The following REXO1 variants were observed in gnomAD, a reference collection of about 807,000 sequenced individuals.
REXO1 encodes the protein RNA exonuclease 1 homolog.
A neutral mutation model predicts 102.6 loss-of-function variants in REXO1; 42 were observed. The ratio of observed to expected loss-of-function variants is 0.41; its 90% CI spans 0.32 to 0.53. The LOEUF (loss-of-function observed/expected upper bound fraction) is 0.53. REXO1 is among the 20% of genes least tolerant of loss of function. The pLI is 0.27. For synonymous variants in REXO1, 908 were observed against 779.1 expected, an observed-to-expected ratio of 1.17 and a Z score of -2.76; for missense variants, 1,819 against 1,732.5, an observed-to-expected ratio of 1.05 and a Z score of -0.89.
intron 4 of REXO1, 80 bp from the exon 5 acceptor site, chr19:1,821,762 G>T: frequency 7.4e-7 from 1 of 1,354,736 alleles, no homozygotes; most frequent in Non-Finnish European, 1.0e-6. Context: ...AGCCGCGGCC[G>T]CTCAGCGCCA....
chr19:1,831,542 G>C (rs541892916), intron 1 of REXO1, among the ~76,000 whole-genome samples: 13 of 151,962 alleles, frequency 8.6e-5, no homozygotes, highest in African/African-American at 2.9e-4. Context: ...GCAGGCATAA[G>C]AAAGAAATGG....
At position 1,827,876 on chromosome 19, in the gene REXO1, T is replaced by G. The variant is rs769678066; in HGVS notation, c.913A>C (p.Ser305Arg). The G allele has an allele frequency of 6.2e-7, 1 of 1,613,672 alleles. No individual in the cohort carries two copies. Among genetic ancestry groups the G allele is most frequent in the Non-Finnish European group, 8.5e-7 (1 of 1,179,868 alleles). Residue 305 changes from serine to arginine, a missense_variant, in exon 2 of 16, where the codon AGC (serine) becomes CGC (arginine). Physicochemically the swap from Ser to Arg is moderately radical, Grantham distance 110 (BLOSUM62 -1). Coordinates refer to ENST00000170168, the MANE Select transcript of REXO1 (RefSeq NM_020695.4). The stretch of plus-strand genomic sequence containing the variant: ...GGGTCGGCCCTGGCTTTGGGGGTGC[T>G]GGCCGTGGTGGGCTCGTTACCTGGG... Reference protein sequence around the residue: ...TVPGNEPTTASTPKARADPEI... With the variant: ...TVPGNEPTTARTPKARADPEI...
chr19:1,820,206 A>ACCACCCTGGACCCCTAGTCC, intron 6 of REXO1, 58 bp downstream of exon 6: 1 of 1,568,108 alleles, frequency 6.4e-7, no homozygotes. Flanking sequence ...ATGTCTGGGG[A>ACCACCCTGGACCCCTAGTCC]CCACCCTGGA....
At chr19:1,842,890 C>A (rs1202065064) in intron 1 of REXO1, among the ~76,000 whole-genome samples, 1 of 152,244 alleles carries the variant, frequency 6.6e-6, no homozygotes, top group African/African-American at 2.4e-5. Context: ...CCCGTGGCAA[C>A]ACGGACAGGC....
At chr19:1,843,559 C>T (rs923113718) in intron 1 of REXO1, among the ~76,000 whole-genome samples, 31 of 152,228 alleles carry the variant, frequency 2.0e-4, no homozygotes, top group African/African-American at 7.2e-4. Context: ...GCTGCCACTC[C>T]AGGCCAGGCA....
Position 1,817,303 on chromosome 19 carries a change from C to T in REXO1, c.3117G>A (p.Glu1039=). The T allele has an allele frequency of 6.2e-7, 1 of 1,612,984 alleles. No individual in the cohort carries two copies. The highest frequency in any genetic ancestry group is 8.5e-7 in the Non-Finnish European group (1 of 1,180,006). The change falls in exon 12 of 16, where the codon GAG becomes GAA. Residue 1039 remains glutamate (E), a synonymous_variant. Transcript: ENST00000170168. ...AKQHVQDGRK[E]RLEGFVKTFE... ...AGGTCTTCACGAAGCCCTCAAGGCG[C>T]TCCTTCCGGCCATCCTGCACGTGTT...
rs932017977 is a variant in REXO1 at position 1,826,182 on chromosome 19, C to A, written c.1912-239G>T. ...CTCTCCTGGGCACCCAGGGCCCCAG[C>A]TTGGAGACCCCAGGGCTGCAGAATG... On this transcript the variant is annotated intron_variant, in intron 2 of 15. Transcript: ENST00000170168. The surrounding 1 kb of genome is among the most constrained non-coding windows in gnomAD (Gnocchi z 4.3). Among the ~76,000 whole-genome samples the A allele has an allele frequency of 6.6e-6, 1 of 152,142 alleles. No homozygotes were observed. The highest frequency in any genetic ancestry group is 1.5e-5 in the Non-Finnish European group (1 of 68,042).
chr19:1,815,448 G>A lies in REXO1; in HGVS notation c.*618C>T, dbSNP rs1443733061. ...TCACGGAGTGCAGGGGTGGGGCGGCGAGTGGTGGAAGCCGGCGCCCCCGAA... is the reference window on the plus strand; with the variant it reads ...TCACGGAGTGCAGGGGTGGGGCGGCAAGTGGTGGAAGCCGGCGCCCCCGAA... On this transcript the variant is annotated 3_prime_UTR_variant, in exon 16 of 16. Coordinates refer to ENST00000170168, the MANE Select transcript of REXO1 (RefSeq NM_020695.4). The surrounding 1 kb of genome is among the most constrained non-coding windows in gnomAD (Gnocchi z 4.0). 2.8e-5 allele frequency: 5 copies of A among 177,948 alleles called. No homozygotes were observed. The highest frequency in any genetic ancestry group is 1.6e-4 in the East Asian group (1 of 6,116). 11.0% of individuals were successfully genotyped at this position (177,948 alleles called of 1,614,324 possible).
At chr19:1,817,918 T>C in intron 10 of REXO1, 138 bp from the exon 11 acceptor site, 3 of 672,616 alleles carry the variant, frequency 4.5e-6, no homozygotes, top group Non-Finnish European at 7.6e-6. Flanking sequence ...TTGGTGGAGC[T>C]GGAAGCAGAC....
At chr19:1,838,926 G>A (rs1432505585) in intron 1 of REXO1, among the ~76,000 whole-genome samples, 1 of 152,034 alleles carries the variant, frequency 6.6e-6, no homozygotes, top group African/African-American at 2.4e-5. Flanking sequence ...AGACCAGCCT[G>A]GGCAACATGG....
chr19:1,824,598 T>C (rs559495818), intron 3 of REXO1: 4 of 152,302 alleles, frequency 2.6e-5, no homozygotes, highest in African/African-American at 9.6e-5. Context: ...AGACATCAGT[T>C]AGAACAGAGC....
At position 1,819,090 on chromosome 19, in the gene REXO1, C is replaced by G. The variant is rs1344676359; in HGVS notation, c.2692G>C (p.Gly898Arg). ...CTGGTCTTGGCGGCCAACCTGCCCC[C>G]CAACACCACCTCGTGGGACACAACC... ...RRVVSHEVVL[G>R]GRLAAKTSFS... Residue 898 changes from glycine to arginine, a missense_variant, in exon 8 of 16, where the codon GGG (glycine) becomes CGG (arginine). Gly to Arg is a moderately radical substitution (Grantham distance 125). Coordinates refer to ENST00000170168, the MANE Select transcript of REXO1 (RefSeq NM_020695.4). 2 of 1,597,956 alleles carry G rather than the reference C, an allele frequency of 1.3e-6. No homozygotes were observed. The highest frequency in any genetic ancestry group is 2.7e-5 in the African/African-American group (2 of 74,434).
At position 1,828,180 on chromosome 19, in the gene REXO1, G is replaced by C. The variant is rs1249409737; in HGVS notation, c.609C>G (p.Pro203=). ...GGGGGALEYV[P]KAVSQPRRHS... is the part of the protein sequence containing the mutation. Reference sequence around the variant, plus strand: ...GCCGCCGGGGCTGGCTCACAGCCTTGGGGACGTATTCCAGGGCACCGCCAC... The same window carrying C: ...GCCGCCGGGGCTGGCTCACAGCCTTCGGGACGTATTCCAGGGCACCGCCAC... Residue 203 remains proline, a synonymous_variant, in exon 2 of 16, where the codon CCC becomes CCG. Coordinates refer to ENST00000170168, the MANE Select transcript of REXO1 (RefSeq NM_020695.4). 6.2e-7 allele frequency: 1 copy of C among 1,608,530 alleles called. No individual in the cohort carries two copies. The highest frequency in any genetic ancestry group is 8.5e-7 in the Non-Finnish European group (1 of 1,178,458).
At chr19:1,817,522 G>C in intron 11 of REXO1, 185 bp downstream of exon 11, 2 of 1,466,016 alleles carry the variant, frequency 1.4e-6, no homozygotes, top group Non-Finnish European at 1.8e-6. Context: ...TCCCAGGATG[G>C]GAAGTGGCCA....
intron 1 of REXO1, among the ~76,000 whole-genome samples, chr19:1,840,404 C>T (rs2011226685): frequency 6.6e-6 from 1 of 152,122 alleles, no homozygotes; most frequent in Non-Finnish European, 1.5e-5. Context: ...ACTGCCCAAC[C>T]GCAGGAGCGC....
rs772145095 is a variant in REXO1 at position 1,828,025 on chromosome 19, G to A, written c.764C>T (p.Ala255Val). The A allele has an allele frequency of 6.2e-7, 1 of 1,612,716 alleles. No individual in the cohort carries two copies. The highest frequency in any genetic ancestry group is 1.1e-5 in the South Asian group (1 of 91,006). Residue 255 changes from alanine to valine, a missense_variant, in exon 2 of 16, where the codon GCC (alanine) becomes GTC (valine). Coordinates refer to ENST00000170168, the MANE Select transcript of REXO1 (RefSeq NM_020695.4). ...GCGGGAGCCCCGGGGCCGCTTGGCG[G>A]CCCGCTCATCCCGGGAGCTGGCCCT... The part of the protein sequence containing the change: ...LSRASSRDER[A>V]AKRPRGSRGS...
chr19:1,823,712 C>G lies in REXO1; in HGVS notation c.2090G>C (p.Arg697Pro), dbSNP rs200145449. ...PPTAQEVCYL[R>P]AQQAQRASAS... The stretch of plus-strand genomic sequence containing the variant: ...CGATGCCCTCTGCGCCTGCTGGGCC[C>G]GCAGGTAGCACACCTCCTGCGCCGT... The change falls in exon 4 of 16, where the codon CGG (arginine) becomes CCG (proline). Residue 697 changes from arginine (R) to proline (P), a missense_variant. Transcript: ENST00000170168. 2 of 1,273,244 alleles carry G rather than the reference C, an allele frequency of 1.6e-6. No homozygotes were observed. The highest frequency in any genetic ancestry group is 2.0e-6 in the Non-Finnish European group (2 of 1,002,276). 78.9% of individuals were successfully genotyped at this position (1,273,244 alleles called of 1,614,324 possible).
Position 1,828,004 on chromosome 19 carries a change from G to T in REXO1, c.785C>A (p.Ser262Tyr). ...AGGTGTGTAGGGCTCACTGCCGCGG[G>T]AGCCCCGGGGCCGCTTGGCGGCCCG... Reference protein sequence around the residue: ...DERAAKRPRGSRGSEPYTPAP... With the variant: ...DERAAKRPRGYRGSEPYTPAP... Residue 262 changes from serine to tyrosine, a missense_variant, in exon 2 of 16, where the codon TCC (serine) becomes TAC (tyrosine). Physicochemically the swap from Ser to Tyr is moderately radical, Grantham distance 144. Transcript: ENST00000170168. 6.2e-7 allele frequency: 1 copy of T among 1,612,984 alleles called. No individual in the cohort carries two copies. The highest frequency in any genetic ancestry group is 8.5e-7 in the Non-Finnish European group (1 of 1,179,638).
intron 7 of REXO1, 111 bp from the exon 8 acceptor site, chr19:1,819,242 C>G (rs2069462830): frequency 1.4e-6 from 1 of 727,272 alleles, no homozygotes; most frequent in East Asian, 2.8e-5. Context: ...TCAACTCCCC[C>G]TTTCTGGGAC....
Sources: allele counts gnomAD v4.1 joint callset (sites outside exome capture counted in the v4.1 genomes callset), GRCh38; gene constraint gnomAD v4.1.1; non-coding constraint Gnocchi (gnomAD v3.1); transcripts MANE v1.5; gene names NCBI Gene and HGNC (gene_info 2026-07-23, HGNC 2026-07-21).